RUNX3: variants seen among roughly 807,000 people sequenced by gnomAD.
RUNX3 encodes RUNX family transcription factor 3.
RUNX3 carries 10 observed loss-of-function variants against 27.7 expected under a neutral mutation model. That is an observed-to-expected ratio of 0.36 (90% CI 0.22 to 0.61). The LOEUF is 0.61. Ranked by LOEUF, RUNX3 falls within the 20% of genes least tolerant of loss-of-function variation. The pLI, the probability that RUNX3 is intolerant of heterozygous loss-of-function variation, is 0.72. For missense variants in RUNX3, 469 were observed against 629.5 expected (o/e 0.75, Z 2.73); for synonymous variants, 270 against 269.2 (o/e 1.00, Z -0.03).
intron 2 of RUNX3, among the ~76,000 whole-genome samples, chr1:24,924,850 G>T (rs1641069377): frequency 6.6e-6 from 1 of 152,202 alleles, no homozygotes; most frequent in Admixed American, 6.5e-5. Context: ...TGGCAGGGCA[G>T]GGACCTCAGC....
rs945687796 is a variant in RUNX3, at chr1:24,923,219, G to C, written c.440-3875C>G. Among the ~76,000 whole-genome samples, 2 of 152,074 alleles carry C rather than the reference G, an allele frequency of 1.3e-5. No individual in the cohort carries two copies. Reference sequence around the variant, plus strand: ...CCACGCCTGTCACCACCCCTCCCAGGTACAAAGGAGAGGAGTGTGGGGCCT... The same window carrying C: ...CCACGCCTGTCACCACCCCTCCCAGCTACAAAGGAGAGGAGTGTGGGGCCT... On this transcript the variant is annotated intron_variant, in intron 2 of 4. Transcript: ENST00000308873. The surrounding 1 kb of genome is among the most constrained non-coding windows in gnomAD (Gnocchi z 5.9).
At chr1:24,919,178 G>A (rs1283270155) in intron 3 of RUNX3, 62 bp downstream of exon 3, 3 of 1,046,566 alleles carry the variant, frequency 2.9e-6, no homozygotes, top group Non-Finnish European at 4.2e-6. Flanking sequence ...CCTAGCTGCT[G>A]TCCTTCCCGC....
In RUNX3 at chr1:24,929,746, G is replaced by C; in HGVS notation, c.123C>G (p.Ala41=). Residue 41 remains alanine (A), a synonymous_variant, in exon 1 of 5, where the codon GCC becomes GCG. Transcript: ENST00000308873. The part of the protein sequence containing the change: ...ENSGALSAQA[A]VGPGGRARPE... ...GCCGGGCGCGCCCTCCGGGCCCCAC[G>C]GCCGCCTGCGCGCTCAGCGCGCCGC... The C allele has an allele frequency of 4.1e-6, 6 of 1,472,696 alleles. No homozygotes were observed. Among genetic ancestry groups the C allele is most frequent in the Non-Finnish European group, 4.5e-6 (5 of 1,121,252 alleles). The allele number at this position is 1,472,696 out of a possible 1,614,324, so 91.2% of individuals were successfully genotyped here. A position where few individuals can be genotyped will look rare whatever the true frequency, so the allele number is the denominator to read the frequency against.
chr1:24,929,838 G>A lies in RUNX3; in HGVS notation c.31C>T (p.Arg11Cys). 1 of 1,397,176 alleles carries A rather than the reference G, an allele frequency of 7.2e-7. No individual in the cohort carries two copies. Among genetic ancestry groups the A allele is most frequent in the Non-Finnish European group, 9.2e-7 (1 of 1,086,424 alleles). 86.5% of individuals were successfully genotyped at this position (1,397,176 alleles called of 1,614,324 possible). MRIPVDPSTS[R>C]RFTPPSPAFP... ...GCCGGGGAGGGAGGTGTGAAGCGGC[G>A]GCTGGTGCTTGGGTCTACGGGAATA... The change falls in exon 1 of 5, where the codon CGC becomes TGC. Residue 11 changes from arginine to cysteine, a missense_variant. Arg to Cys is a radical substitution (Grantham distance 180). Coordinates refer to ENST00000308873, the MANE Select transcript of RUNX3 (RefSeq NM_004350.3).
At chr1:24,950,518 A>G (rs1427114347) in intron 2 of RUNX3, among the ~76,000 whole-genome samples, 1 of 152,322 alleles carries the variant, frequency 6.6e-6, no homozygotes, top group Admixed American at 6.5e-5. Context: ...CAGCATTTCA[A>G]TATGGCAACT....
intron 2 of RUNX3, among the ~76,000 whole-genome samples, chr1:24,922,454 C>T (rs1641018049): frequency 6.6e-6 from 1 of 152,120 alleles, no homozygotes; most frequent in East Asian, 1.9e-4. Context: ...CAACAAACCA[C>T]AGAGGTATTA....
chr1:24,925,030 C>G (rs991325664), intron 2 of RUNX3, among the ~76,000 whole-genome samples: 5 of 152,168 alleles, frequency 3.3e-5, no homozygotes, highest in African/African-American at 4.8e-5. Context: ...ATTGAGGCAA[C>G]AAGCAGAGGT....
chr1:24,952,414 A>G (rs947789346), intron 2 of RUNX3, among the ~76,000 whole-genome samples: 2 of 152,252 alleles, frequency 1.3e-5, no homozygotes, highest in African/African-American at 4.8e-5. Flanking sequence ...TAGCATATCA[A>G]AGACTCTGAC....
intron 2 of RUNX3, among the ~76,000 whole-genome samples, chr1:24,920,449 T>C (rs1385675127): frequency 6.6e-6 from 1 of 152,188 alleles, no homozygotes. Context: ...CCCAGGGATG[T>C]GTCTATCAAG....
At chr1:24,938,215 C>T (rs1641392961) in intron 2 of RUNX3, among the ~76,000 whole-genome samples, 1 of 152,226 alleles carries the variant, frequency 6.6e-6, no homozygotes, top group Admixed American at 6.5e-5. Context: ...AGTCCCTTCC[C>T]TCTCTGGCCC....
chr1:24,946,966 C>G (rs974329523), intron 2 of RUNX3, among the ~76,000 whole-genome samples: 1 of 152,172 alleles, frequency 6.6e-6, no homozygotes, highest in African/African-American at 2.4e-5. Context: ...TGCTTAGTTC[C>G]AACCAAAATA....
In RUNX3 at chr1:24,927,499, C is replaced by T. The variant is rs906005830; in HGVS notation, c.439+75G>A. The T allele has an allele frequency of 2.8e-5, 41 of 1,453,302 alleles. No individual in the cohort carries two copies. In the African/African-American group the frequency reaches 5.3e-4, roughly 19 times the overall value. The allele number at this position is 1,453,302 out of a possible 1,614,324, so 90.0% of individuals were successfully genotyped here. A position where few individuals can be genotyped will look rare whatever the true frequency, so the allele number is the denominator to read the frequency against. On this transcript the variant is annotated intron_variant, in intron 2 of 4. Transcript: ENST00000308873. The surrounding 1 kb of genome is among the most constrained non-coding windows in gnomAD (Gnocchi z 5.0). ...AGACCTGTTTTTCGGGATTCTAAGG[C>T]CCCTCTTTCAACCTCCTTCCCTGCT...
chr1:24,952,590 G>A (rs1329536234), intron 2 of RUNX3, among the ~76,000 whole-genome samples: 1 of 152,238 alleles, frequency 6.6e-6, no homozygotes, highest in Non-Finnish European at 1.5e-5. Flanking sequence ...AGGGGAGTCA[G>A]AGCTGTGAGG....
rs146855015 is a variant in RUNX3, at chr1:24,943,688, G to A, written c.59-13836C>T. Among the ~76,000 whole-genome samples the A allele has an allele frequency of 1.3e-3, 200 of 152,282 alleles. 1 individual carries two copies. Among genetic ancestry groups the A allele is most frequent in the African/African-American group, 4.6e-3 (190 of 41,560 alleles). The stretch of plus-strand genomic sequence containing the variant: ...GGGGATGTGACGTGCTGGGGCCCAG[G>A]GGAGTCCAAAGTCAGGACTCATTCT... On this transcript the variant is annotated intron_variant, in intron 2 of 6. Coordinates refer to the RUNX3 transcript ENST00000338888. This position sits in a 1 kb window ranked among gnomAD's most constrained non-coding sequence, Gnocchi z 4.6.
chr1:24,907,138 A>ACAAAACAAGGGGG, intron 4 of RUNX3, 121 bp downstream of exon 4: 1 of 1,046,488 alleles, frequency 9.6e-7, no homozygotes, highest in South Asian at 1.6e-5. Flanking sequence ...CAGCTCCTCT[A>ACAAAACAAGGGGG]CAAAACAAGG....
rs1641117086 is a variant in RUNX3 at position 24,927,278 on chromosome 1, AT to A, written c.439+295del. Among the ~76,000 whole-genome samples the A allele has an allele frequency of 6.6e-6, 1 of 152,088 alleles. No individual in the cohort carries two copies. The highest frequency in any genetic ancestry group is 2.4e-5 in the African/African-American group (1 of 41,412). ...TGTTAATCCACCATCTCCTGCCAGC[AT>A]TTTTTGTGAGACCAGGTGTGCTTAA... On this transcript the variant is annotated intron_variant, in intron 2 of 4. Coordinates refer to ENST00000308873, the MANE Select transcript of RUNX3 (RefSeq NM_004350.3). This position sits in a 1 kb window ranked among gnomAD's most constrained non-coding sequence, Gnocchi z 5.0.
chr1:24,913,684 C>T (rs894350977), intron 3 of RUNX3, among the ~76,000 whole-genome samples: 2 of 152,244 alleles, frequency 1.3e-5, no homozygotes, highest in Non-Finnish European at 2.9e-5. Context: ...ACCAGGGTCA[C>T]GCAGTGTGGG....
At chr1:24,964,415 G>C in intron 2 of RUNX3, 1 of 940,146 alleles carries the variant, frequency 1.1e-6, no homozygotes, top group Non-Finnish European at 1.7e-6. Context: ...TAGGCGGACA[G>C]GCTGTGCGCT....
chr1:24,955,610 G>A (rs1393423938), intron 2 of RUNX3, among the ~76,000 whole-genome samples: 1 of 152,216 alleles, frequency 6.6e-6, no homozygotes, highest in Non-Finnish European at 1.5e-5. Flanking sequence ...GTAGGGCTTG[G>A]TAGGCTAAGG....
Sources: allele counts gnomAD v4.1 joint callset (sites outside exome capture counted in the v4.1 genomes callset), GRCh38; gene constraint gnomAD v4.1.1; non-coding constraint Gnocchi (gnomAD v3.1); transcripts MANE v1.5; gene names NCBI Gene and HGNC (gene_info 2026-07-23, HGNC 2026-07-21).